The following MRPL23 variants were observed in gnomAD, a reference collection of about 807,000 sequenced individuals.
MRPL23 encodes mitochondrial ribosomal protein L23, also known as large ribosomal subunit protein uL23m.
For missense variants in MRPL23, 25 were observed against 81.3 expected (o/e 0.31, Z 2.66); for synonymous variants, 12 against 34.8 (o/e 0.35, Z 2.30).
chr11:1,949,171 C>A (rs568634766), intron 1 of MRPL23, among the ~76,000 whole-genome samples: 1 of 7,938 alleles, frequency 1.3e-4, no homozygotes. Flanking sequence ...ATGTGTGAGC[C>A]CCTCGGGTGG....
intron 4 of MRPL23, among the ~76,000 whole-genome samples, chr11:1,971,823 G>A (rs915438157): frequency 8.7e-6 from 1 of 114,464 alleles, no homozygotes; most frequent in Non-Finnish European, 1.9e-5. Context: ...GGCAGCTGAG[G>A]GCACAATCCC....
intron 5 of MRPL23, chr11:1,984,043 G>C (rs927382779): frequency 2.4e-5 from 2 of 83,356 alleles, no homozygotes; most frequent in Admixed American, 1.2e-4. Flanking sequence ...GGCGGGGACT[G>C]GGGGGTGTGT....
At chr11:1,993,985 G>A in the MRPL23 span, among the ~76,000 whole-genome samples, 1 of 93,402 alleles carries the variant, frequency 1.1e-5, no homozygotes, top group African/African-American at 2.8e-5. Context: ...TGGGGAGGGG[G>A]CAAGAGAGGG....
downstream of MRPL23, among the ~76,000 whole-genome samples, chr11:1,966,809 TG>T (rs1478877932): frequency 4.4e-5 from 3 of 68,414 alleles, no homozygotes; most frequent in African/African-American, 1.4e-4. Flanking sequence ...GACCTCCCTC[TG>T]TGCTGCCCCT....
chr11:1,984,281 C>A (rs561423046), intron 5 of MRPL23: 1 of 5,976 alleles, frequency 1.7e-4, no homozygotes, highest in African/African-American at 4.6e-4. Context: ...GAAGTGGGCA[C>A]CGTTTTCTGG....
At chr11:1,979,090 C>G (rs1450931647) in intron 5 of MRPL23, among the ~76,000 whole-genome samples, 1 of 144,150 alleles carries the variant, frequency 6.9e-6, no homozygotes, top group East Asian at 2.0e-4. Context: ...TGATGGCTGT[C>G]CCTGGAGAGG....
intron 5 of MRPL23, chr11:1,983,331 C>T (rs149128738): frequency 3.0e-4 from 5 of 16,912 alleles, no homozygotes; most frequent in Non-Finnish European, 5.4e-4. Context: ...GTCCAGGTGG[C>T]TGGGGACTCT....
chr11:1,992,444 G>A, the MRPL23 span, among the ~76,000 whole-genome samples: 2 of 73,300 alleles, frequency 2.7e-5, no homozygotes, highest in African/African-American at 6.5e-5. Flanking sequence ...TAAACGTGCC[G>A]CAGAAACTTG....
rs1455168067 is a variant in MRPL23 at position 1,983,846 on chromosome 11, A to G, written c.498-592A>G. 4 of 139,352 alleles carry G rather than the reference A, an allele frequency of 2.9e-5. 1 individual carries two copies. The highest frequency in any genetic ancestry group is 4.8e-5 in the Non-Finnish European group (3 of 62,274). 8.6% of individuals were successfully genotyped at this position (139,352 alleles called of 1,614,324 possible). On this transcript the variant is annotated intron_variant, in intron 5 of 5. Coordinates refer to the MRPL23 transcript ENST00000397297. ...AGCTCGGCAGCCCTCTGCTGAGGCAATGTCCTCTTGGAGCAAAAAACAGCC... is the reference window on the plus strand; with the variant it reads ...AGCTCGGCAGCCCTCTGCTGAGGCAGTGTCCTCTTGGAGCAAAAAACAGCC...
At chr11:1,959,980 A>G (rs192330098), downstream of MRPL23, among the ~76,000 whole-genome samples, 520 of 128,594 alleles carry the variant, frequency 4.0e-3, 44 homozygotes, top group African/African-American at 0.013. Flanking sequence ...GTCCCCATTC[A>G]TGTTCATTTA....
chr11:1,991,670 T>C, the MRPL23 span, among the ~76,000 whole-genome samples: 4 of 135,068 alleles, frequency 3.0e-5, no homozygotes, highest in Non-Finnish European at 6.7e-5. Context: ...GGGTCCAGGT[T>C]GAGGGGCTGA....
chr11:1,953,706 C>A (rs1287617991), intron 4 of MRPL23, among the ~76,000 whole-genome samples: 1 of 98,506 alleles, frequency 1.0e-5, no homozygotes, highest in Non-Finnish European at 2.0e-5. Flanking sequence ...GCGGGCCCTG[C>A]CACTAGATGG....
At chr11:1,992,769 GAAATCGGGTTGGGCCAAAGAT>G in the MRPL23 span, among the ~76,000 whole-genome samples, 2 of 82,402 alleles carry the variant, frequency 2.4e-5, no homozygotes, top group African/African-American at 7.7e-5. Flanking sequence ...TAAAAAGCAG[GAAATCGGGTTGGGCCAAAGAT>G]AAACACACAT....
chr11:1,988,895 C>G (rs113744389), downstream of MRPL23, among the ~76,000 whole-genome samples: 1,797 of 145,806 alleles, frequency 0.012, 215 homozygotes, highest in Non-Finnish European at 0.017. Flanking sequence ...GCCTCTCCAG[C>G]CGCTCCCTTC....
At position 1,953,666 on chromosome 11, in the gene MRPL23, C is replaced by T. The variant is rs7102194; in HGVS notation, c.297+811C>T. Among the ~76,000 whole-genome samples, 913 of 103,134 alleles carry T rather than the reference C, an allele frequency of 8.9e-3. 263 individuals carry two copies. The highest frequency in any genetic ancestry group is 0.034 in the African/African-American group (869 of 25,542). The allele number at this position is 103,134 out of a possible 152,430, so 67.7% of individuals were successfully genotyped here. The stretch of plus-strand genomic sequence containing the variant: ...ACTGGGTGGGGATGGGGTTGTCTTC[C>T]GGTGTAAATGGTCCCTGGAGGCCGA... On this transcript the variant is annotated intron_variant, in intron 4 of 4. Coordinates refer to ENST00000397298, the MANE Select transcript of MRPL23 (RefSeq NM_021134.4).
At chr11:1,991,550 T>TCG in the MRPL23 span, among the ~76,000 whole-genome samples, 1 of 67,742 alleles carries the variant, frequency 1.5e-5, no homozygotes, top group Admixed American at 1.5e-4. Context: ...TTGTCAGGCA[T>TCG]CACACACACA....
chr11:1,977,663 C>T (rs114315081), downstream of MRPL23, among the ~76,000 whole-genome samples: 18 of 71,922 alleles, frequency 2.5e-4, 5 homozygotes, highest in Non-Finnish European at 3.6e-4. Context: ...GCGATGGCTG[C>T]GCAGCAGTGA....
chr11:1,992,187 C>T, the MRPL23 span: 1 of 91,542 alleles, frequency 1.1e-5, no homozygotes, highest in African/African-American at 2.9e-5. Context: ...CCCGGAAAGG[C>T]GGGTTAACTG....
the MRPL23 span, chr11:1,991,815 C>T: frequency 5.1e-5 from 7 of 136,000 alleles, no homozygotes; most frequent in African/African-American, 1.5e-4. Flanking sequence ...AGCTCGGGGT[C>T]GGGGAGAGGG....
Sources: gnomAD v4.1 joint callset for allele counts (sites outside exome capture counted in the v4.1 genomes callset) on GRCh38, gnomAD v4.1.1 for gene constraint, MANE v1.5 for transcripts, NCBI Gene and HGNC (gene_info 2026-07-23, HGNC 2026-07-21) for gene names.